Variants in LARS1 observed in about 807,000 individuals in gnomAD.
LARS1 encodes the protein leucyl-tRNA synthetase 1.
A neutral mutation model predicts 162.8 loss-of-function variants in LARS1; 100 were observed. The observed-to-expected ratio is 0.61, with a 90% CI of 0.52 to 0.73. The LOEUF (loss-of-function observed/expected upper bound fraction) is 0.73. Among genes scored for constraint, LARS1 ranks in the 30% least tolerant of loss-of-function variants. The probability of loss-of-function intolerance (pLI) is 0.00; values close to 1 mark genes in which losing one functional copy is unlikely to be tolerated. For synonymous variants in LARS1, 457 were observed against 462.8 expected, an observed-to-expected ratio of 0.99 and a Z score of 0.16; for missense variants, 1,258 against 1,408.9, an observed-to-expected ratio of 0.89 and a Z score of 1.71.
chr5:146,161,213 C>T (rs987461156), intron 6 of LARS1, among the ~76,000 whole-genome samples: 6 of 152,132 alleles, frequency 3.9e-5, no homozygotes, highest in Non-Finnish European at 8.8e-5. Context: ...ATCATCTGAG[C>T]CTTCAGTTGA....
chr5:146,138,292 A>G (rs1752601266), intron 21 of LARS1: 2 of 178,484 alleles, frequency 1.1e-5, no homozygotes, highest in South Asian at 3.2e-4. Context: ...TGGGAACAGT[A>G]GCATGGTTCA....
chr5:146,133,954 A>C (rs11167933), intron 22 of LARS1, among the ~76,000 whole-genome samples: 33,888 of 152,070 alleles, frequency 0.22, 4,836 homozygotes, highest in Admixed American at 0.34. Flanking sequence ...AAGCAATTCT[A>C]CTGCCTCAGC....
intron 6 of LARS1, among the ~76,000 whole-genome samples, chr5:146,163,154 C>T (rs960531508): frequency 6.6e-6 from 1 of 152,142 alleles, no homozygotes; most frequent in Admixed American, 6.6e-5. Context: ...TTTCCTTAAA[C>T]CTTAAGAACT....
chr5:146,178,778 C>T (rs1459278792), intron 1 of LARS1, among the ~76,000 whole-genome samples: 1 of 152,104 alleles, frequency 6.6e-6, no homozygotes, highest in Admixed American at 6.6e-5. Context: ...CCACTGCCCC[C>T]TCTCACTTCA....
At position 146,142,950 on chromosome 5, in the gene LARS1, C is replaced by T. The variant is rs372379208; in HGVS notation, c.2012G>A (p.Arg671His). The T allele has an allele frequency of 1.5e-5, 25 of 1,613,986 alleles. No individual in the cohort carries two copies. Among genetic ancestry groups the T allele is most frequent in the Non-Finnish European group, 1.9e-5 (23 of 1,179,980 alleles). ...EFEFWYPVDL[R>H]VSGKDLVPNH... The stretch of plus-strand genomic sequence containing the variant: ...TGGAACAAGATCCTTGCCAGAGACG[C>T]GAAGATCAACAGGATACCAGAATTC... Residue 671 changes from arginine (R) to histidine (H), a missense_variant, in exon 20 of 32, where the codon CGC becomes CAC. By Grantham distance (29) the Arg-to-His change is conservative. Coordinates refer to ENST00000394434, the MANE Select transcript of LARS1 (RefSeq NM_020117.11).
intron 20 of LARS1, among the ~76,000 whole-genome samples, chr5:146,140,561 A>T (rs936199397): frequency 5.3e-5 from 8 of 152,262 alleles, no homozygotes; most frequent in Admixed American, 3.3e-4. Flanking sequence ...TAATCCCAGC[A>T]CTTTGGGAGG....
At chr5:146,126,169 A>C (rs1355615802) in intron 28 of LARS1, among the ~76,000 whole-genome samples, 1 of 152,074 alleles carries the variant, frequency 6.6e-6, no homozygotes, top group African/African-American at 2.4e-5. Flanking sequence ...AAAGAGTTTG[A>C]AAGAAGGGAA....
chr5:146,154,578 G>A (rs1020427872), intron 10 of LARS1, among the ~76,000 whole-genome samples: 4 of 152,166 alleles, frequency 2.6e-5, no homozygotes, highest in East Asian at 2.0e-4. Context: ...AGGAGTTCGC[G>A]ACCAGCCTGG....
At chr5:146,121,048 T>C (rs1475548005) in intron 30 of LARS1, among the ~76,000 whole-genome samples, 1 of 152,296 alleles carries the variant, frequency 6.6e-6, no homozygotes, top group East Asian at 1.9e-4. Flanking sequence ...CTTAAATACA[T>C]AGTATCTTAA....
At chr5:146,159,525 AC>A in intron 7 of LARS1, 55 bp from the exon 8 acceptor site, 1 of 1,358,960 alleles carries the variant, frequency 7.4e-7, no homozygotes, top group Non-Finnish European at 1.0e-6. Context: ...GTTTTATCCT[AC>A]CATATTTGCC....
intron 6 of LARS1, 124 bp downstream of exon 6, chr5:146,164,186 C>T (rs1052250025): frequency 4.1e-5 from 38 of 927,082 alleles, no homozygotes; most frequent in African/African-American, 3.3e-4. Context: ...ACTTGCTCAA[C>T]GCAGGGTTGC....
chr5:146,140,162 C>T (rs777924947), intron 21 of LARS1, 42 bp downstream of exon 21: 13 of 1,483,190 alleles, frequency 8.8e-6, no homozygotes, highest in African/African-American at 1.4e-5. Flanking sequence ...TCTGAAAAGC[C>T]TTCCACAGAA....
chr5:146,130,155 C>A lies in LARS1; in HGVS notation c.2491G>T (p.Ala831Ser), dbSNP rs146505812. 9.3e-6 allele frequency: 15 copies of A among 1,610,474 alleles called. No homozygotes were observed. The highest frequency in any genetic ancestry group is 5.9e-6 in the Non-Finnish European group (7 of 1,178,938). ...GCCAATTCACGGTACTTATCTTTTGCGGCCTATAAAATTTGAAATTATTTA... is the reference window on the plus strand; with the variant it reads ...GCCAATTCACGGTACTTATCTTTTGAGGCCTATAAAATTTGAAATTATTTA... ...LKTGFFEFQAAKDKYRELAVE... is the reference protein window; with the variant it reads ...LKTGFFEFQASKDKYRELAVE... Residue 831 changes from alanine to serine, a missense_variant, in exon 25 of 32, where the codon GCA becomes TCA. Transcript: ENST00000394434.
chr5:146,176,320 CACAT>C (rs1754569518), intron 2 of LARS1, among the ~76,000 whole-genome samples: 1 of 151,674 alleles, frequency 6.6e-6, no homozygotes, highest in Non-Finnish European at 1.5e-5. Context: ...GGCGTGGTGG[CACAT>C]GCCTGTAATC....
At chr5:146,129,904 C>T in intron 25 of LARS1, 114 bp downstream of exon 25, 1 of 1,076,674 alleles carries the variant, frequency 9.3e-7, no homozygotes, top group Non-Finnish European at 1.3e-6. Flanking sequence ...TCCAGCATTA[C>T]TCTTGAATTA....
intron 15 of LARS1, among the ~76,000 whole-genome samples, chr5:146,144,972 T>G (rs142186004): frequency 6.6e-6 from 1 of 152,000 alleles, no homozygotes. Flanking sequence ...AATTAAAAAG[T>G]GAACAAAAAG....
At position 146,149,621 on chromosome 5, in the gene LARS1, C is replaced by T; in HGVS notation, c.1503+1G>A. ...CCTTCAGAGCATAGCCTATCACATACAGCGTCAATCATCTTTTTCTGAATA... is the reference window on the plus strand; with the variant it reads ...CCTTCAGAGCATAGCCTATCACATATAGCGTCAATCATCTTTTTCTGAATA... On this transcript the variant is annotated splice_donor_variant, in intron 15 of 31. Coordinates refer to ENST00000394434, the MANE Select transcript of LARS1 (RefSeq NM_020117.11). LOFTEE classifies it high-confidence loss of function. 2 of 1,607,190 alleles carry T rather than the reference C, an allele frequency of 1.2e-6. No homozygotes were observed. Among genetic ancestry groups the T allele is most frequent in the Non-Finnish European group, 1.7e-6 (2 of 1,173,842 alleles).
At chr5:146,116,434 G>C (rs1300294795) in intron 31 of LARS1, among the ~76,000 whole-genome samples, 2 of 152,090 alleles carry the variant, frequency 1.3e-5, no homozygotes, top group African/African-American at 4.8e-5. Context: ...AATCAAACTA[G>C]TTCAAAGAAA....
chr5:146,147,530 T>C (rs1049245976), intron 15 of LARS1, among the ~76,000 whole-genome samples: 8 of 152,150 alleles, frequency 5.3e-5, no homozygotes, highest in African/African-American at 1.9e-4. Flanking sequence ...TTTTATACAT[T>C]TGAAATTTTC....
Sources: gnomAD v4.1 joint callset for allele counts (sites outside exome capture counted in the v4.1 genomes callset) on GRCh38, gnomAD v4.1.1 for gene constraint, MANE v1.5 for transcripts, NCBI Gene and HGNC (gene_info 2026-07-23, HGNC 2026-07-21) for gene names.